Variants in COL4A6 observed in about 807,000 individuals in gnomAD.
COL4A6 encodes the protein collagen type IV alpha 6 chain, also known as collagen alpha-6(IV) chain.
In COL4A6, 59 loss-of-function variants were observed where a neutral mutation model predicts 126.7. That is an observed-to-expected ratio of 0.47 (90% CI 0.38 to 0.58). The LOEUF (loss-of-function observed/expected upper bound fraction) is 0.58. Among genes scored for constraint, COL4A6 ranks in the 20% least tolerant of loss-of-function variants. The probability of loss-of-function intolerance (pLI) is 0.00; values close to 1 mark genes in which losing one functional copy is unlikely to be tolerated. For synonymous variants in COL4A6, 547 were observed against 496.6 expected (o/e 1.10, Z -1.35); for missense variants, 1,285 against 1,337.3 (o/e 0.96, Z 0.61).
intron 3 of COL4A6, among the ~76,000 whole-genome samples, chrX:108,282,345 C>A (rs905206572): frequency 1.9e-5 from 2 of 107,659 alleles, no homozygotes; most frequent in East Asian, 2.9e-4. Context: ...AGGACATGAA[C>A]AGACACTTCT....
intron 2 of COL4A6, among the ~76,000 whole-genome samples, chrX:108,386,870 T>C (rs1209841981): frequency 8.9e-6 from 1 of 112,138 alleles, no homozygotes; most frequent in East Asian, 2.8e-4. Flanking sequence ...AAGTCATTAA[T>C]CCATCTTGAG....
chrX:108,397,276 T>C (rs1305872104), intron 2 of COL4A6, among the ~76,000 whole-genome samples: 3 of 111,921 alleles, frequency 2.7e-5, no homozygotes, highest in Non-Finnish European at 5.6e-5. Flanking sequence ...AAGCCTATTC[T>C]ACATAGAAAT....
chrX:108,202,012 T>C (rs2035404141), intron 13 of COL4A6, among the ~76,000 whole-genome samples: 1 of 112,112 alleles, frequency 8.9e-6, no homozygotes, highest in Non-Finnish European at 1.9e-5. Flanking sequence ...CTCACCTTCT[T>C]ACTGTTCCTC....
chrX:108,269,817 G>A (rs979298050), intron 3 of COL4A6, among the ~76,000 whole-genome samples: 1 of 111,619 alleles, frequency 9.0e-6, no homozygotes, highest in African/African-American at 3.3e-5. Flanking sequence ...TTTCAGGGGT[G>A]GAAGAATTTG....
At chrX:108,346,055 AC>A (rs948637515) in intron 2 of COL4A6, among the ~76,000 whole-genome samples, 15 of 110,101 alleles carry the variant, frequency 1.4e-4, no homozygotes, top group African/African-American at 5.0e-4. Context: ...ACACCCCCGC[AC>A]CCCCCACACA....
chrX:108,225,864 G>A (rs1211649612), intron 3 of COL4A6, among the ~76,000 whole-genome samples: 1 of 112,626 alleles, frequency 8.9e-6, no homozygotes, highest in Non-Finnish European at 1.9e-5. Flanking sequence ...ATTTGTTCCT[G>A]AGGAAGAATC....
intron 2 of COL4A6, among the ~76,000 whole-genome samples, chrX:108,318,909 A>G (rs1256794840): frequency 1.8e-5 from 2 of 112,485 alleles, no homozygotes; most frequent in Non-Finnish European, 3.8e-5. Context: ...CAACTCCACT[A>G]TCTCAGATCC....
chrX:108,280,697 A>G (rs1459667363), intron 3 of COL4A6, among the ~76,000 whole-genome samples: 2 of 111,640 alleles, frequency 1.8e-5, no homozygotes, highest in African/African-American at 6.5e-5. Flanking sequence ...ACCAAAAAAG[A>G]GAATTTTAGA....
intron 3 of COL4A6, among the ~76,000 whole-genome samples, chrX:108,258,400 A>G (rs2037065975): frequency 8.9e-6 from 1 of 111,802 alleles, no homozygotes; most frequent in Admixed American, 9.5e-5. Context: ...TCACTTAGCT[A>G]AAGAGTGAGT....
At chrX:108,159,210 C>CG (rs2033838186) in intron 44 of COL4A6, among the ~76,000 whole-genome samples, 1 of 111,869 alleles carries the variant, frequency 8.9e-6, no homozygotes, top group Non-Finnish European at 1.9e-5. Flanking sequence ...ATGGAGACGG[C>CG]GGGGCATTGA....
At chrX:108,421,091 C>T (rs771629704) in intron 2 of COL4A6, among the ~76,000 whole-genome samples, 1 of 112,125 alleles carries the variant, frequency 8.9e-6, no homozygotes, top group South Asian at 3.8e-4. Context: ...ACCGGAACTA[C>T]TAGTAGTTAT....
chrX:108,319,220 A>G (rs970026159), intron 2 of COL4A6, among the ~76,000 whole-genome samples: 9 of 112,183 alleles, frequency 8.0e-5, no homozygotes, highest in Non-Finnish European at 1.7e-4. Flanking sequence ...CTACAAAAAA[A>G]TTAGACAGGT....
chrX:108,165,272 T>C, intron 38 of COL4A6, 98 bp downstream of exon 38: 1 of 815,186 alleles, frequency 1.2e-6, no homozygotes, highest in Non-Finnish European at 1.9e-6. Flanking sequence ...CGCCCACATA[T>C]GTCCAGCAAC....
chrX:108,186,990 T>C, intron 23 of COL4A6, 106 bp downstream of exon 23: 1 of 661,102 alleles, frequency 1.5e-6, no homozygotes, highest in Non-Finnish European at 2.1e-6. Flanking sequence ...GTAGTGATTA[T>C]GGTCAGACAA....
At chrX:108,422,495 T>A in intron 2 of COL4A6, among the ~76,000 whole-genome samples, 1 of 111,131 alleles carries the variant, frequency 9.0e-6, no homozygotes, top group Non-Finnish European at 1.9e-5. Context: ...CAAACAAAAA[T>A]CCATAAATGA....
At chrX:108,231,586 C>T (rs767268943) in intron 3 of COL4A6, among the ~76,000 whole-genome samples, 1 of 111,743 alleles carries the variant, frequency 8.9e-6, no homozygotes, top group East Asian at 2.8e-4. Context: ...GATTAAGGAA[C>T]TTGCCTGAGA....
chrX:108,276,178 T>C (rs1044356870), intron 3 of COL4A6, among the ~76,000 whole-genome samples: 5 of 113,049 alleles, frequency 4.4e-5, no homozygotes, highest in Admixed American at 9.3e-5. Flanking sequence ...AAGCAAAGAA[T>C]TGTATTTTCC....
intron 13 of COL4A6, among the ~76,000 whole-genome samples, chrX:108,201,940 C>T (rs2035401952): frequency 8.9e-6 from 1 of 111,850 alleles, no homozygotes; most frequent in African/African-American, 3.3e-5. Flanking sequence ...ATGAAGGTAG[C>T]CAAGATCTGG....
At chrX:108,438,956 T>A (rs1349661645), upstream of COL4A6, among the ~76,000 whole-genome samples, 1 of 112,697 alleles carries the variant, frequency 8.9e-6, no homozygotes, top group Admixed American at 9.3e-5. Flanking sequence ...CCGCAGAAAG[T>A]ATTTTCTAGT....
Sources: allele counts gnomAD v4.1 joint callset (sites outside exome capture counted in the v4.1 genomes callset), GRCh38; gene constraint gnomAD v4.1.1; transcripts MANE v1.5; gene names NCBI Gene and HGNC (gene_info 2026-07-23, HGNC 2026-07-21).